ESR1: variants seen among roughly 807,000 people sequenced by gnomAD.
ESR1 encodes estrogen receptor 1.
ESR1 carries 12 observed loss-of-function variants against 52.7 expected under a neutral mutation model. That is an observed-to-expected ratio of 0.23 (90% CI 0.15 to 0.37). The LOEUF (loss-of-function observed/expected upper bound fraction) is 0.37. Among genes scored for constraint, ESR1 ranks in the 10% least tolerant of loss-of-function variants. The pLI is 1.00. For missense variants in ESR1, 584 were observed against 779.7 expected, an observed-to-expected ratio of 0.75 and a Z score of 2.99; for synonymous variants, 305 against 316.8, an observed-to-expected ratio of 0.96 and a Z score of 0.39.
intron 3 of ESR1, among the ~76,000 whole-genome samples, chr6:151,933,044 C>A (rs2033883453): frequency 6.6e-6 from 1 of 151,976 alleles, no homozygotes; most frequent in South Asian, 2.1e-4. Flanking sequence ...TTACCTTGGG[C>A]AGTATGGCCA....
At chr6:151,998,377 T>C (rs1329903524) in intron 4 of ESR1, among the ~76,000 whole-genome samples, 1 of 152,126 alleles carries the variant, frequency 6.6e-6, no homozygotes, top group Non-Finnish European at 1.5e-5. Context: ...TCTTTTTTTT[T>C]TCTGTTCTTT....
In ESR1 at chr6:151,968,863, G is replaced by A. The variant is rs141539130; in HGVS notation, c.1096+24355G>A. Among the ~76,000 whole-genome samples, 46 of 152,210 alleles carry A rather than the reference G, an allele frequency of 3.0e-4. 1 individual carries two copies. In the East Asian group the frequency reaches 7.7e-3, roughly 26 times the overall value. On this transcript the variant is annotated intron_variant, in intron 4 of 7. Transcript: ENST00000206249. ...ATGGAGAAGACTTCCTCTGTGCCAG[G>A]TCCTGGTCAGAGCTGCCGTCTTGAT...
At chr6:151,908,763 A>G (rs951305924) in intron 3 of ESR1, among the ~76,000 whole-genome samples, 5 of 151,886 alleles carry the variant, frequency 3.3e-5, no homozygotes, top group African/African-American at 4.8e-5. Context: ...TTTCTAAACA[A>G]TTGAGAAAAA....
chr6:151,813,969 G>T (rs1270239081), intron 1 of ESR1, among the ~76,000 whole-genome samples: 1 of 152,150 alleles, frequency 6.6e-6, no homozygotes, highest in African/African-American at 2.4e-5. Flanking sequence ...TTGTTATTCA[G>T]ATTCTCATCT....
At position 152,098,474 on chromosome 6, in the gene ESR1, C is replaced by T. The variant is rs555031470; in HGVS notation, c.1554-258C>T. ...TGCATAGCAAATACCCTGAAAGTGG[C>T]TGCAGGGAGAGTGTGAGGGTGGGAC... On this transcript the variant is annotated intron_variant, in intron 7 of 7. Coordinates refer to ENST00000206249, the MANE Select transcript of ESR1 (RefSeq NM_000125.4). This position sits in a 1 kb window ranked among gnomAD's most constrained non-coding sequence, Gnocchi z 5.1. 6.6e-6 allele frequency among the ~76,000 whole-genome samples: 1 copy of T among 152,094 alleles called. No homozygotes were observed. The highest frequency in any genetic ancestry group is 2.1e-4 in the South Asian group (1 of 4,800).
intron 5 of ESR1, 140 bp downstream of exon 5, chr6:152,011,934 G>T (rs913632928): frequency 4.6e-6 from 4 of 863,636 alleles, no homozygotes; most frequent in Non-Finnish European, 7.2e-6. Flanking sequence ...TGCATTGGGG[G>T]TGATGAAGCC....
chr6:151,903,600 C>G (rs1797009217), intron 3 of ESR1, among the ~76,000 whole-genome samples: 1 of 152,198 alleles, frequency 6.6e-6, no homozygotes, highest in South Asian at 2.1e-4. Flanking sequence ...AATTGCTAGA[C>G]TTAATCATCC....
At chr6:152,046,790 A>G (rs527734933) in intron 5 of ESR1, among the ~76,000 whole-genome samples, 1 of 152,298 alleles carries the variant, frequency 6.6e-6, no homozygotes, top group South Asian at 2.1e-4. Context: ...CATGGATAGC[A>G]TTACTCTCCT....
rs1048685889 is a variant in ESR1, at chr6:151,795,984, T to C, written c.-70-11859T>C. Reference sequence around the variant, plus strand: ...TAACACAGTGAAACCCCATCTCTTCTAAAAATACCAAAAAAAAAAAACCAA... The same window carrying C: ...TAACACAGTGAAACCCCATCTCTTCCAAAAATACCAAAAAAAAAAAACCAA... On this transcript the variant is annotated intron_variant, in intron 2 of 2. Coordinates refer to the ESR1 transcript ENST00000404742. 5.4e-5 allele frequency among the ~76,000 whole-genome samples: 6 copies of C among 111,408 alleles called. No homozygotes were observed. The Admixed American group carries it at 5.7e-4, about 11-fold the overall frequency. The allele number at this position is 111,408 out of a possible 152,430, so 73.1% of individuals were successfully genotyped here. A position where few individuals can be genotyped will look rare whatever the true frequency, so the allele number is the denominator to read the frequency against.
intron 2 of ESR1, among the ~76,000 whole-genome samples, chr6:151,729,631 C>T (rs1782094758): frequency 6.6e-6 from 1 of 152,130 alleles, no homozygotes; most frequent in African/African-American, 2.4e-5. Context: ...GTGATTTACC[C>T]ACATTATCTT....
At chr6:152,029,111 A>G (rs532114681) in intron 5 of ESR1, among the ~76,000 whole-genome samples, 93 of 152,348 alleles carry the variant, frequency 6.1e-4, no homozygotes, top group African/African-American at 2.1e-3. Context: ...TAACAAACAG[A>G]AAGGACATCC....
chr6:151,711,520 CTG>C (rs1404869048), intron 2 of ESR1, among the ~76,000 whole-genome samples: 1 of 152,186 alleles, frequency 6.6e-6, no homozygotes, highest in African/African-American at 2.4e-5. Context: ...CGCACCTGGC[CTG>C]TTTCCAGACT....
At chr6:151,984,679 GTCTT>G (rs762161065) in intron 4 of ESR1, among the ~76,000 whole-genome samples, 13 of 152,232 alleles carry the variant, frequency 8.5e-5, no homozygotes, top group Non-Finnish European at 1.8e-4. Context: ...TGTTAGAAAT[GTCTT>G]TCTTTCTTGA....
At chr6:152,085,158 C>A (rs576716359) in intron 6 of ESR1, among the ~76,000 whole-genome samples, 1 of 152,136 alleles carries the variant, frequency 6.6e-6, no homozygotes, top group South Asian at 2.1e-4. Context: ...CTAGGTATAG[C>A]TTGGCATGGT....
At chr6:151,807,604 T>C, upstream of ESR1, 1 of 519,052 alleles carries the variant, frequency 1.9e-6, no homozygotes, top group East Asian at 3.4e-5. Context: ...CAACAGTCCC[T>C]GGCCGTCCTC....
intron 2 of ESR1, among the ~76,000 whole-genome samples, chr6:151,790,617 G>A: frequency 6.6e-6 from 1 of 151,146 alleles, no homozygotes; most frequent in Non-Finnish European, 1.5e-5. Context: ...GGTGACCTTA[G>A]ACTTTACTTT....
intron 2 of ESR1, among the ~76,000 whole-genome samples, chr6:151,767,138 C>CA: frequency 6.6e-6 from 1 of 152,172 alleles, no homozygotes. Context: ...CAAAATGTAG[C>CA]AATTGCCCCA....
intron 1 of ESR1, among the ~76,000 whole-genome samples, chr6:151,695,921 G>T (rs1362448995): frequency 6.6e-6 from 1 of 151,890 alleles, no homozygotes; most frequent in East Asian, 1.9e-4. Context: ...AAGCAATTTT[G>T]GAAATTCCTT....
upstream of ESR1, chr6:151,805,282 T>A (rs1381347398): frequency 6.6e-6 from 1 of 152,210 alleles, no homozygotes; most frequent in African/African-American, 2.4e-5. Context: ...CCCAGAAGGC[T>A]TTTATTGTTA....
Sources: allele counts gnomAD v4.1 joint callset (sites outside exome capture counted in the v4.1 genomes callset), GRCh38; gene constraint gnomAD v4.1.1; non-coding constraint Gnocchi (gnomAD v3.1); transcripts MANE v1.5; gene names NCBI Gene and HGNC (gene_info 2026-07-23, HGNC 2026-07-21).